TBC1D23: variants seen among roughly 807,000 people sequenced by gnomAD.
The protein encoded by TBC1D23 is HCV non-structural protein 4A-transactivated protein 1.
Under a neutral mutation model 91.4 loss-of-function variants are expected in TBC1D23, and 55 were observed. That is an observed-to-expected ratio of 0.60 (90% confidence interval 0.48 to 0.75). The LOEUF (loss-of-function observed/expected upper bound fraction) is 0.75. Ranked by LOEUF, TBC1D23 falls within the 30% of genes least tolerant of loss-of-function variation. The pLI is 0.00. For synonymous variants in TBC1D23, 289 were observed against 281.0 expected (o/e 1.03, Z -0.28); for missense variants, 725 against 836.1 (o/e 0.87, Z 1.64).
intron 14 of TBC1D23, among the ~76,000 whole-genome samples, chr3:100,310,798 C>T (rs1705612637): frequency 6.6e-6 from 1 of 152,142 alleles, no homozygotes; most frequent in African/African-American, 2.4e-5. Context: ...AAATTTATGT[C>T]CCAGTATGTA....
chr3:100,306,450 C>T lies in TBC1D23; in HGVS notation c.1320C>T (p.His440=). ...ATTTATCTTAAGCACTGCAGCAGCA[C>T]CTGGCAGACATTAATGTGGATGGAC... ...ASGGFMALQQ[H]LADINVDGPE... is the part of the protein sequence containing the mutation. The change falls in exon 13 of 19, where the codon CAC becomes CAT. Residue 440 remains histidine (H), a synonymous_variant. Coordinates refer to ENST00000394144, the MANE Select transcript of TBC1D23 (RefSeq NM_001199198.3). The T allele has an allele frequency of 6.2e-7, 1 of 1,606,462 alleles. No homozygotes were observed. Among genetic ancestry groups the T allele is most frequent in the Non-Finnish European group, 8.5e-7 (1 of 1,173,338 alleles).
intron 15 of TBC1D23, among the ~76,000 whole-genome samples, chr3:100,314,760 G>A (rs1370169475): frequency 1.3e-5 from 2 of 152,082 alleles, no homozygotes; most frequent in Non-Finnish European, 2.9e-5. Flanking sequence ...CCTGGGTGAC[G>A]GAGTGAGACC....
At chr3:100,293,703 A>G (rs958329281) in intron 5 of TBC1D23, among the ~76,000 whole-genome samples, 1 of 152,214 alleles carries the variant, frequency 6.6e-6, no homozygotes, top group Non-Finnish European at 1.5e-5. Context: ...GTCAAGTGTG[A>G]TGGCAATTAC....
intron 11 of TBC1D23, 143 bp from the exon 12 acceptor site, chr3:100,304,703 C>T (rs1705488218): frequency 3.2e-6 from 2 of 621,664 alleles, no homozygotes; most frequent in Non-Finnish European, 5.7e-6. Flanking sequence ...CTCTCTCTGC[C>T]AAAGTCCAAA....
intron 1 of TBC1D23, among the ~76,000 whole-genome samples, chr3:100,271,683 T>A (rs1288454758): frequency 6.6e-6 from 1 of 152,180 alleles, no homozygotes; most frequent in African/African-American, 2.4e-5. Flanking sequence ...ATAAGTAAAG[T>A]CACCTGAGGT....
intron 1 of TBC1D23, among the ~76,000 whole-genome samples, chr3:100,276,715 G>A (rs1429543669): frequency 3.3e-5 from 5 of 152,084 alleles, no homozygotes; most frequent in African/African-American, 1.2e-4. Flanking sequence ...TCAGGTGAGG[G>A]GAAATTCTGT....
At chr3:100,286,504 T>C (rs1324708222) in intron 4 of TBC1D23, among the ~76,000 whole-genome samples, 1 of 89,142 alleles carries the variant, frequency 1.1e-5, no homozygotes, top group Non-Finnish European at 2.6e-5. Flanking sequence ...ATATCTTCTT[T>C]TTTTTTTTTT....
In TBC1D23 at chr3:100,299,176, T is replaced by C; in HGVS notation, c.1000-63T>C. 8 of 1,061,528 alleles carry C rather than the reference T, an allele frequency of 7.5e-6. No individual in the cohort carries two copies. The East Asian group carries it at 1.2e-4, about 16-fold the overall frequency. 65.8% of individuals were successfully genotyped at this position (1,061,528 alleles called of 1,614,324 possible). A position where few individuals can be genotyped will look rare whatever the true frequency, so the allele number is the denominator to read the frequency against. ...CCCTTTATTTGGTTAACTGTGAATATTATGTTGTGCAATGTGAACCTCATG... is the reference window on the plus strand; with the variant it reads ...CCCTTTATTTGGTTAACTGTGAATACTATGTTGTGCAATGTGAACCTCATG... On this transcript the variant is annotated intron_variant, in intron 9 of 18. Coordinates refer to ENST00000394144, the MANE Select transcript of TBC1D23 (RefSeq NM_001199198.3).
chr3:100,270,330 A>G (rs1193139952), intron 1 of TBC1D23, among the ~76,000 whole-genome samples: 2 of 152,218 alleles, frequency 1.3e-5, no homozygotes, highest in African/African-American at 4.8e-5. Flanking sequence ...TGTTTTAAGA[A>G]GACAGTCAAA....
intron 4 of TBC1D23, among the ~76,000 whole-genome samples, chr3:100,287,288 A>G (rs962637363): frequency 5.3e-5 from 8 of 152,054 alleles, no homozygotes; most frequent in Non-Finnish European, 7.4e-5. Context: ...TAATTTTTGT[A>G]TTTTTGGTAG....
At chr3:100,300,498 A>AT (rs66553332) in intron 10 of TBC1D23, among the ~76,000 whole-genome samples, 31,718 of 125,404 alleles carry the variant, frequency 0.25, 4,584 homozygotes, top group Non-Finnish European at 0.31. Context: ...ACTTGAATTA[A>AT]TTTTTTTTTT....
intron 1 of TBC1D23, among the ~76,000 whole-genome samples, chr3:100,262,284 C>G (rs1576152450): frequency 6.6e-6 from 1 of 152,138 alleles, no homozygotes; most frequent in South Asian, 2.1e-4. Context: ...GCGGTGGGGG[C>G]TGGGGCAGTT....
rs762293544 is a variant in TBC1D23 at position 100,298,002 on chromosome 3, C to T, written c.956C>T (p.Ala319Val). 15 of 1,612,994 alleles carry T rather than the reference C, an allele frequency of 9.3e-6. No individual in the cohort carries two copies. The highest frequency in any genetic ancestry group is 1.2e-5 in the Non-Finnish European group (14 of 1,179,332). ...GATCTGAGTCAGGCTCTTTGTCTGG[C>T]CATCTCCGTGTCAGAGATCCTTCAA... is the stretch of plus-strand genomic sequence containing the variant. ...DADLSQALCL[A>V]ISVSEILQAN... The change falls in exon 9 of 19, where the codon GCC (alanine) becomes GTC (valine). Residue 319 changes from alanine to valine, a missense_variant. Physicochemically the swap from Ala to Val is moderately conservative, Grantham distance 64. Coordinates refer to ENST00000394144, the MANE Select transcript of TBC1D23 (RefSeq NM_001199198.3).
chr3:100,270,314 TGA>T, intron 1 of TBC1D23, among the ~76,000 whole-genome samples: 1 of 152,274 alleles, frequency 6.6e-6, no homozygotes, highest in African/African-American at 2.4e-5. Context: ...AAAATCTAAA[TGA>T]GAGTGTTTTA....
chr3:100,303,630 G>A (rs1229207704), intron 11 of TBC1D23, among the ~76,000 whole-genome samples: 1 of 152,104 alleles, frequency 6.6e-6, no homozygotes, highest in African/African-American at 2.4e-5. Context: ...TATTAACTGT[G>A]TGTGGATGTG....
chr3:100,270,715 A>C (rs1387863442), intron 1 of TBC1D23, among the ~76,000 whole-genome samples: 1 of 152,198 alleles, frequency 6.6e-6, no homozygotes, highest in African/African-American at 2.4e-5. Flanking sequence ...CATATGCAAT[A>C]GAAATAACAT....
At chr3:100,301,272 CAA>C (rs71697646) in intron 10 of TBC1D23, among the ~76,000 whole-genome samples, 3 of 113,084 alleles carry the variant, frequency 2.7e-5, no homozygotes, top group Admixed American at 9.6e-5. Context: ...GATTCCGTCT[CAA>C]AAAAAAAAAA....
Position 100,299,271 on chromosome 3 carries a change from T to C in TBC1D23, c.1032T>C (p.Arg344=), listed in dbSNP as rs145918761. 3.1e-6 allele frequency: 5 copies of C among 1,612,928 alleles called. No homozygotes were observed. The African/African-American group carries it at 6.7e-5, about 22-fold the overall frequency. The change falls in exon 10 of 19, where the codon CGT becomes CGC. Residue 344 remains arginine (R), a synonymous_variant. Transcript: ENST00000394144. ...TCCGGTTCTTTGTGGTGGATTGCCG[T>C]CCTGCAGAACAATATAATGCTGGGC... The part of the protein sequence containing the change: ...EGVRFFVVDC[R]PAEQYNAGHL...
At chr3:100,283,940 C>T in intron 4 of TBC1D23, 129 bp downstream of exon 4, 1 of 559,876 alleles carries the variant, frequency 1.8e-6, no homozygotes, top group South Asian at 2.8e-5. Flanking sequence ...TTGTTTGATC[C>T]ATAATTGTTA....
Sources: allele counts gnomAD v4.1 joint callset (sites outside exome capture counted in the v4.1 genomes callset), GRCh38; gene constraint gnomAD v4.1.1; transcripts MANE v1.5; gene names NCBI Gene and HGNC (gene_info 2026-07-23, HGNC 2026-07-21).